MEGF10: variants seen among roughly 807,000 people sequenced by gnomAD.
MEGF10 encodes multiple epidermal growth factor-like domains protein 10.
Under a neutral mutation model 147.5 loss-of-function variants are expected in MEGF10, and 86 were observed. The observed-to-expected ratio is 0.58, with a 90% CI of 0.49 to 0.70. The LOEUF is 0.70. MEGF10 is among the 30% of genes least tolerant of loss of function. The pLI, the probability that MEGF10 is intolerant of heterozygous loss-of-function variation, is 0.00. For synonymous variants in MEGF10, 478 were observed against 525.5 expected (o/e 0.91, Z 1.24); for missense variants, 1,329 against 1,487.3 (o/e 0.89, Z 1.75).
At position 127,375,748 on chromosome 5, in the gene MEGF10, CAT is replaced by C. The variant is rs548965967; in HGVS notation, c.412+5749_412+5750del. ...TAAACAACTCCTGGAGGGCAAAGGC[CAT>C]ATGTTATTAATCTCTGTAAGCCTCC... On this transcript the variant is annotated intron_variant, in intron 5 of 24. Transcript: ENST00000503335. Among the ~76,000 whole-genome samples, 728 of 152,306 alleles carry C rather than the reference CAT, an allele frequency of 4.8e-3. 7 individuals carry two copies. Among genetic ancestry groups the C allele is most frequent in the African/African-American group, 0.017 (706 of 41,552 alleles).
the MEGF10 span, among the ~76,000 whole-genome samples, chr5:127,279,937 GTCTTT>G: frequency 2.0e-3 from 308 of 152,138 alleles, 2 homozygotes; most frequent in Non-Finnish European, 2.7e-3. Flanking sequence ...CAATCTATTT[GTCTTT>G]TCTATTTCTA....
intron 5 of MEGF10, among the ~76,000 whole-genome samples, chr5:127,379,812 C>G (rs1246128131): frequency 6.6e-6 from 1 of 151,932 alleles, no homozygotes; most frequent in East Asian, 1.9e-4. Flanking sequence ...GTTGGCCAGG[C>G]TGGTCTCAAA....
chr5:127,260,387 T>C, the MEGF10 span, among the ~76,000 whole-genome samples: 1 of 152,148 alleles, frequency 6.6e-6, no homozygotes, highest in Admixed American at 6.5e-5. Context: ...GGGATTTCTC[T>C]TTTATATCTG....
At chr5:127,455,303 A>T in intron 23 of MEGF10, 98 bp from the exon 24 acceptor site, 1 of 994,724 alleles carries the variant, frequency 1.0e-6, no homozygotes, top group Non-Finnish European at 1.5e-6. Flanking sequence ...GTGTAGAATT[A>T]TGGAAACCTA....
At chr5:127,436,993 G>A in intron 16 of MEGF10, among the ~76,000 whole-genome samples, 1 of 152,164 alleles carries the variant, frequency 6.6e-6, no homozygotes. Context: ...TACCTTTTGG[G>A]AATATAAAGT....
At chr5:127,345,149 T>C (rs1761836177) in intron 4 of MEGF10, among the ~76,000 whole-genome samples, 1 of 152,202 alleles carries the variant, frequency 6.6e-6, no homozygotes, top group East Asian at 1.9e-4. Flanking sequence ...CAGCAGGTGG[T>C]CACTGAATGG....
At chr5:127,406,468 C>T (rs549645102) in intron 8 of MEGF10, among the ~76,000 whole-genome samples, 1 of 152,302 alleles carries the variant, frequency 6.6e-6, no homozygotes, top group South Asian at 2.1e-4. Flanking sequence ...AGGACAACAA[C>T]GAATGGCCAT....
At chr5:127,394,504 A>G (rs1209419476) in intron 5 of MEGF10, among the ~76,000 whole-genome samples, 1 of 152,212 alleles carries the variant, frequency 6.6e-6, no homozygotes, top group African/African-American at 2.4e-5. Flanking sequence ...TGAATCAAGT[A>G]ACAAGTTACA....
At chr5:127,354,359 G>A (rs1327950443) in intron 4 of MEGF10, among the ~76,000 whole-genome samples, 5 of 152,090 alleles carry the variant, frequency 3.3e-5, no homozygotes, top group African/African-American at 7.2e-5. Context: ...CATATAATAC[G>A]TTTTCCTTTA....
At chr5:127,247,394 A>AGAG in the MEGF10 span, among the ~76,000 whole-genome samples, 3 of 40,856 alleles carry the variant, frequency 7.3e-5, no homozygotes, top group Admixed American at 7.9e-4. Flanking sequence ...AAGAAGAAGA[A>AGAG]GAAGAAGAAG....
At chr5:127,329,024 T>G (rs979059443) in intron 1 of MEGF10, among the ~76,000 whole-genome samples, 5 of 152,172 alleles carry the variant, frequency 3.3e-5, no homozygotes, top group Non-Finnish European at 5.9e-5. Context: ...CATAGATAAT[T>G]CACATAAATG....
chr5:127,431,947 AG>A (rs1307082112), intron 13 of MEGF10, among the ~76,000 whole-genome samples: 3 of 152,128 alleles, frequency 2.0e-5, no homozygotes, highest in African/African-American at 7.2e-5. Flanking sequence ...GATTTTCAAA[AG>A]AGATTTGAAA....
At chr5:127,349,230 C>CT (rs1333898563) in intron 4 of MEGF10, among the ~76,000 whole-genome samples, 1 of 152,106 alleles carries the variant, frequency 6.6e-6, no homozygotes, top group South Asian at 2.1e-4. Context: ...TGAAAATCTT[C>CT]ACAAGGTTGA....
Position 127,339,190 on chromosome 5 carries a change from A to G in MEGF10, c.187A>G (p.Ile63Val). Residue 63 changes from isoleucine to valine, a missense_variant, in exon 3 of 25, where the codon ATT (isoleucine) becomes GTT (valine). This residue lies in a region of MEGF10 where 980 missense variants were observed against 1,085.9 expected (regional missense o/e 0.90). Coordinates refer to ENST00000503335, the MANE Select transcript of MEGF10 (RefSeq NM_001256545.2). ...DQIYYTSCTD[I>V]LNWFKCTRHR... ...AATTTACTACACGAGCTGCACTGAC[A>G]TTCTAAACTGGTTTAAATGCACGCG... 6.2e-7 allele frequency: 1 copy of G among 1,612,642 alleles called. No homozygotes were observed. The highest frequency in any genetic ancestry group is 8.5e-7 in the Non-Finnish European group (1 of 1,178,910).
At chr5:127,331,548 A>T (rs1451308049) in intron 2 of MEGF10, 124 bp downstream of exon 2, 1 of 613,278 alleles carries the variant, frequency 1.6e-6, no homozygotes, top group East Asian at 2.8e-5. Context: ...TTATGTAAAA[A>T]TCATTAGTCA....
chr5:127,349,780 T>C (rs1322271186), intron 4 of MEGF10, among the ~76,000 whole-genome samples: 1 of 152,096 alleles, frequency 6.6e-6, no homozygotes, highest in Non-Finnish European at 1.5e-5. Context: ...TGGATCATAC[T>C]GAACCTACCA....
chr5:127,314,429 G>A (rs1334325825), intron 1 of MEGF10, among the ~76,000 whole-genome samples: 1 of 152,196 alleles, frequency 6.6e-6, no homozygotes, highest in East Asian at 1.9e-4. Flanking sequence ...TATGTCAAAA[G>A]ATGACCAGCA....
At chr5:127,307,551 C>T (rs569301471) in intron 1 of MEGF10, among the ~76,000 whole-genome samples, 53 of 152,322 alleles carry the variant, frequency 3.5e-4, no homozygotes, top group African/African-American at 1.1e-3. Context: ...CCTGGGTGCT[C>T]TTCCTCTATG....
intron 4 of MEGF10, among the ~76,000 whole-genome samples, chr5:127,352,249 C>T (rs998439843): frequency 5.3e-5 from 8 of 152,102 alleles, no homozygotes; most frequent in African/African-American, 1.9e-4. Context: ...TGAGGGTACC[C>T]ACTTCCTTAC....
Sources: allele counts gnomAD v4.1 joint callset (sites outside exome capture counted in the v4.1 genomes callset), GRCh38; gene constraint gnomAD v4.1.1; regional missense constraint gnomAD v4.1.1; transcripts MANE v1.5; gene names NCBI Gene and HGNC (gene_info 2026-07-23, HGNC 2026-07-21).